TEC: variants seen among roughly 807,000 people sequenced by gnomAD.
TEC encodes tec protein tyrosine kinase.
TEC carries 72 observed loss-of-function variants against 93.0 expected under a neutral mutation model. That is an observed-to-expected ratio of 0.77 (90% CI 0.64 to 0.94). The LOEUF (loss-of-function observed/expected upper bound fraction) is 0.94. TEC is among the 40% of genes least tolerant of loss of function. The pLI, the probability that TEC is intolerant of heterozygous loss-of-function variation, is 0.00. For missense variants in TEC, 630 were observed against 757.9 expected (o/e 0.83, Z 1.98); for synonymous variants, 249 against 247.7 (o/e 1.01, Z -0.05).
intron 1 of TEC, among the ~76,000 whole-genome samples, chr4:48,253,099 G>C (rs541169942): frequency 6.6e-6 from 1 of 151,844 alleles, no homozygotes; most frequent in East Asian, 1.9e-4. Context: ...TCCCAGAGTT[G>C]TAGTCTATAA....
rs1509655 is a variant in TEC, at chr4:48,269,745, C to T, written c.-46+7G>A. The T allele has an allele frequency of 0.2, 30,248 of 152,268 alleles. 3,525 individuals are homozygous for T. Among genetic ancestry groups the T allele is most frequent in the East Asian group, 0.42 (2,167 of 5,152 alleles). The allele number at this position is 152,268 out of a possible 1,614,324, so 9.4% of individuals were successfully genotyped here. A position where few individuals can be genotyped will look rare whatever the true frequency, so the allele number is the denominator to read the frequency against. Reference sequence around the variant, plus strand: ...GGGCCGCCCCAGCCCGCCCGCGGCGCCCTTACCTGGCTGAAGCGCGGCTGC... The same window carrying T: ...GGGCCGCCCCAGCCCGCCCGCGGCGTCCTTACCTGGCTGAAGCGCGGCTGC... On this transcript the variant is annotated splice_region_variant and intron_variant, in intron 1 of 17. Transcript: ENST00000381501.
At position 48,145,499 on chromosome 4, in the gene TEC, T is replaced by A; in HGVS notation, c.1162A>T (p.Lys388Ter). 1 of 1,614,184 alleles carries A rather than the reference T, an allele frequency of 6.2e-7. No homozygotes were observed. Among genetic ancestry groups the A allele is most frequent in the Non-Finnish European group, 8.5e-7 (1 of 1,180,022 alleles). ...SGLFGVVRLG[K>*]WRAQYKVAIK... Reference sequence around the variant, plus strand: ...GCGACTTTGTACTGGGCTCGCCATTTGCCAAGCCTCACCACTCCAAACAGT... The same window carrying A: ...GCGACTTTGTACTGGGCTCGCCATTAGCCAAGCCTCACCACTCCAAACAGT... The change falls in exon 13 of 18, where the codon AAA becomes TAA. Residue 388 changes from lysine to a stop codon, truncating the protein, a stop_gained. Coordinates refer to ENST00000381501, the MANE Select transcript of TEC (RefSeq NM_003215.3). LOFTEE classifies it high-confidence loss of function.
chr4:48,197,445 T>C (rs938103921), intron 2 of TEC, among the ~76,000 whole-genome samples: 2 of 152,216 alleles, frequency 1.3e-5, no homozygotes, highest in Admixed American at 1.3e-4. Flanking sequence ...CACCCAAAAA[T>C]ATGCTACTTC....
At chr4:48,203,489 G>T (rs1481802164) in intron 2 of TEC, among the ~76,000 whole-genome samples, 2 of 152,178 alleles carry the variant, frequency 1.3e-5, no homozygotes, top group Non-Finnish European at 2.9e-5. Context: ...ATACTGCGCA[G>T]ACCATTCAGT....
chr4:48,220,611 G>A (rs1226223337), intron 2 of TEC, among the ~76,000 whole-genome samples: 1 of 152,160 alleles, frequency 6.6e-6, no homozygotes, highest in Non-Finnish European at 1.5e-5. Context: ...TATTTGTACA[G>A]GCTGCAGAAC....
intron 6 of TEC, among the ~76,000 whole-genome samples, chr4:48,168,158 AG>A (rs1294695377): frequency 6.6e-6 from 1 of 152,190 alleles, no homozygotes; most frequent in East Asian, 1.9e-4. Flanking sequence ...ACCCACTCAA[AG>A]TCACTCATAT....
In TEC at chr4:48,168,609, G is replaced by T. The variant is rs1474142023; in HGVS notation, c.472C>A (p.Pro158Thr). 1.9e-6 allele frequency: 3 copies of T among 1,604,104 alleles called. No homozygotes were observed. The African/African-American group carries it at 4.0e-5, about 22-fold the overall frequency. Residue 158 changes from proline to threonine, a missense_variant, in exon 6 of 18, where the codon CCT (proline) becomes ACT (threonine). Around this residue, in one of 3 missense-constraint regions of TEC, gnomAD observed 335 missense variants for 351.5 expected, o/e 0.95. Coordinates refer to ENST00000381501, the MANE Select transcript of TEC (RefSeq NM_003215.3). ...LFESSIRKAL[P>T]PAPETKKRRP... ...ACCTTCTTTGTTTCTGGTGCTGGAG[G>T]TAGTGCTTTTCTTATACCTGAAAAT...
chr4:48,157,120 C>G (rs1720434674), intron 8 of TEC, among the ~76,000 whole-genome samples: 1 of 152,174 alleles, frequency 6.6e-6, no homozygotes, highest in African/African-American at 2.4e-5. Context: ...ACATAAAAAT[C>G]ATTTTTAATT....
At chr4:48,229,212 T>C (rs2109640351) in intron 1 of TEC, among the ~76,000 whole-genome samples, 1 of 152,288 alleles carries the variant, frequency 6.6e-6, no homozygotes, top group African/African-American at 2.4e-5. Flanking sequence ...GTGTCTACAC[T>C]ACCATGCTCC....
intron 8 of TEC, among the ~76,000 whole-genome samples, chr4:48,162,094 T>C (rs950781514): frequency 2.6e-5 from 4 of 152,186 alleles, no homozygotes; most frequent in African/African-American, 9.7e-5. Flanking sequence ...CTAATACAAT[T>C]GTGTTACAGG....
At chr4:48,176,241 C>T in intron 2 of TEC, 55 bp from the exon 3 acceptor site, 1 of 1,375,758 alleles carries the variant, frequency 7.3e-7, no homozygotes, top group Non-Finnish European at 1.0e-6. Flanking sequence ...AAAAAATTAA[C>T]AGTAATATTG....
intron 3 of TEC, among the ~76,000 whole-genome samples, chr4:48,173,427 C>T (rs1163618457): frequency 8.9e-6 from 1 of 111,782 alleles, no homozygotes; most frequent in Non-Finnish European, 1.9e-5. Context: ...CCTGTTTTGG[C>T]ATCTCAGGCT....
At chr4:48,210,080 G>A (rs1722847728) in intron 2 of TEC, among the ~76,000 whole-genome samples, 1 of 152,132 alleles carries the variant, frequency 6.6e-6, no homozygotes, top group South Asian at 2.1e-4. Flanking sequence ...AATCATAAAT[G>A]CAAAAGCTCT....
At chr4:48,222,490 C>A (rs1196698466) in intron 2 of TEC, among the ~76,000 whole-genome samples, 1 of 151,704 alleles carries the variant, frequency 6.6e-6, no homozygotes, top group Non-Finnish European at 1.5e-5. Context: ...TATGTGTCAA[C>A]TTGAATGGGC....
At chr4:48,242,986 T>C (rs765039193) in intron 1 of TEC, among the ~76,000 whole-genome samples, 10 of 152,168 alleles carry the variant, frequency 6.6e-5, no homozygotes, top group African/African-American at 9.7e-5. Context: ...AGCCCCCAAA[T>C]GTAATTATTC....
intron 2 of TEC, among the ~76,000 whole-genome samples, chr4:48,212,739 C>A (rs1722953498): frequency 1.3e-5 from 2 of 152,220 alleles, no homozygotes; most frequent in African/African-American, 4.8e-5. Flanking sequence ...CAAGTGCAAA[C>A]AACGGTGGCA....
Position 48,179,371 on chromosome 4 carries a change from TATA to T in TEC, c.139-3188_139-3186del, listed in dbSNP as rs1293372478. The stretch of plus-strand genomic sequence containing the variant: ...ATATATATATATATATATATATATA[TATA>T]TATTTTTTTTTTTTTTTTTTTTTTT... On this transcript the variant is annotated intron_variant, in intron 2 of 17. Coordinates refer to ENST00000381501, the MANE Select transcript of TEC (RefSeq NM_003215.3). 8.7e-3 allele frequency among the ~76,000 whole-genome samples: 301 copies of T among 34,504 alleles called. 3 individuals are homozygous for T. Among genetic ancestry groups the T allele is most frequent in the Non-Finnish European group, 0.01 (188 of 18,722 alleles). 22.6% of individuals were successfully genotyped at this position (34,504 alleles called of 152,430 possible).
chr4:48,266,655 T>C (rs1724643344), intron 1 of TEC, among the ~76,000 whole-genome samples: 4 of 152,116 alleles, frequency 2.6e-5, no homozygotes, highest in Admixed American at 1.3e-4. Flanking sequence ...CTGATTAACA[T>C]GGAGAAACCC....
At chr4:48,144,940 T>TAAATTTACCAACTTTAA (rs1719840898) in intron 14 of TEC, 139 bp downstream of exon 14, 3 of 728,148 alleles carry the variant, frequency 4.1e-6, no homozygotes, top group Non-Finnish European at 7.0e-6. Flanking sequence ...CAGGGCAAGT[T>TAAATTTACCAACTTTAA]AAATTTACCA....
Sources: gnomAD v4.1 joint callset for allele counts (sites outside exome capture counted in the v4.1 genomes callset) on GRCh38, gnomAD v4.1.1 for gene constraint, gnomAD v4.1.1 regional missense constraint, MANE v1.5 for transcripts, NCBI Gene and HGNC (gene_info 2026-07-23, HGNC 2026-07-21) for gene names.